The following GET1 variants were observed in gnomAD, a reference collection of about 807,000 sequenced individuals.
GET1 encodes guided entry of tail-anchored proteins factor 1.
GET1 carries 20 observed loss-of-function variants against 22.6 expected under a neutral mutation model. That is an observed-to-expected ratio of 0.89 (90% confidence interval 0.62 to 1.29). The LOEUF (loss-of-function observed/expected upper bound fraction) is 1.29. Among genes scored for constraint, GET1 ranks in the 50% most tolerant of loss-of-function variants. The pLI is 0.00. For synonymous variants in GET1, 92 were observed against 83.8 expected (o/e 1.10, Z -0.53); for missense variants, 209 against 219.9 (o/e 0.95, Z 0.31).
At chr21:39,380,555 A>G (rs2037490277) in intron 1 of GET1, 69 bp downstream of exon 1, 3 of 1,559,974 alleles carry the variant, frequency 1.9e-6, no homozygotes, top group Non-Finnish European at 1.7e-6. Flanking sequence ...GGTCTGGCGT[A>G]GGTACAGGGG....
intron 1 of GET1, among the ~76,000 whole-genome samples, chr21:39,424,408 G>A (rs1309092743): frequency 1.3e-5 from 2 of 152,146 alleles, no homozygotes; most frequent in African/African-American, 4.8e-5. Flanking sequence ...TTGAGCCCAG[G>A]AGTTTGAGGC....
At chr21:39,406,684 G>C, downstream of GET1, 1 of 1,153,664 alleles carries the variant, frequency 8.7e-7, no homozygotes, top group Non-Finnish European at 1.2e-6. Flanking sequence ...GGCATGTCTA[G>C]TACACTTACG....
At chr21:39,420,980 T>C (rs925186412) in intron 1 of GET1, 2 of 565,702 alleles carry the variant, frequency 3.5e-6, no homozygotes, top group Non-Finnish European at 6.0e-6. Flanking sequence ...ACAGGGGACA[T>C]ATATTGGAAT....
At chr21:39,382,160 T>C (rs2037592763) in intron 1 of GET1, among the ~76,000 whole-genome samples, 1 of 151,630 alleles carries the variant, frequency 6.6e-6, no homozygotes, top group Non-Finnish European at 1.5e-5. Context: ...GTTCAAGCGA[T>C]TCTCCTGCCT....
rs986929586 is a variant in GET1, at chr21:39,418,206, C to G, written c.*23+7269C>G. ...TGACATGTGGGAACTGTGGGAGCTA[C>G]AATTCAAGATGAGATTTGGGTGGGG... is the stretch of plus-strand genomic sequence containing the variant. On this transcript the variant is annotated intron_variant, in intron 1 of 1. Transcript: ENST00000478273. Among the ~76,000 whole-genome samples, 3 of 152,158 alleles carry G rather than the reference C, an allele frequency of 2.0e-5. No individual in the cohort carries two copies. The East Asian group carries it at 5.8e-4, about 29-fold the overall frequency.
intron 4 of GET1, among the ~76,000 whole-genome samples, chr21:39,403,396 G>A (rs570338053): frequency 3.9e-5 from 6 of 152,038 alleles, no homozygotes; most frequent in African/African-American, 7.2e-5. Context: ...GTGCGATCTC[G>A]GCTCACTGCA....
chr21:39,403,389 C>T (rs1050143735), intron 4 of GET1, among the ~76,000 whole-genome samples: 18 of 150,926 alleles, frequency 1.2e-4, no homozygotes, highest in African/African-American at 3.2e-4. Flanking sequence ...TGCAGTGGTG[C>T]GATCTCGGCT....
At chr21:39,412,794 C>T (rs776340074) in intron 1 of GET1, among the ~76,000 whole-genome samples, 2 of 152,198 alleles carry the variant, frequency 1.3e-5, no homozygotes, top group South Asian at 2.1e-4. Context: ...GCGCCTCCCC[C>T]GCCGCCCCAT....
chr21:39,399,505 C>T (rs549827125), downstream of GET1, among the ~76,000 whole-genome samples: 20 of 152,044 alleles, frequency 1.3e-4, no homozygotes, highest in Middle Eastern at 6.8e-3. Context: ...AGTGCAGTGG[C>T]GCGATCTCGG....
chr21:39,387,915 T>C (rs1048679128), intron 1 of GET1: 31 of 883,492 alleles, frequency 3.5e-5, no homozygotes, highest in Non-Finnish European at 4.1e-5. Flanking sequence ...ACACTTTAGA[T>C]ACACTATAAC....
At chr21:39,419,082 C>T (rs1377002580) in intron 1 of GET1, among the ~76,000 whole-genome samples, 1 of 152,036 alleles carries the variant, frequency 6.6e-6, no homozygotes, top group Non-Finnish European at 1.5e-5. Context: ...CTCCAAATCC[C>T]AGTTCTCAAT....
At chr21:39,423,770 G>A (rs2074145216) in intron 1 of GET1, among the ~76,000 whole-genome samples, 1 of 152,036 alleles carries the variant, frequency 6.6e-6, no homozygotes, top group Non-Finnish European at 1.5e-5. Flanking sequence ...AGATTACATA[G>A]CCACGAAGTG....
intron 1 of GET1, among the ~76,000 whole-genome samples, chr21:39,382,149 G>T (rs1017088424): frequency 1.3e-5 from 2 of 151,518 alleles, no homozygotes; most frequent in Admixed American, 1.3e-4. Flanking sequence ...CCACCTTCCA[G>T]GTTCAAGCGA....
chr21:39,412,186 A>AT (rs1367886096), intron 1 of GET1, among the ~76,000 whole-genome samples: 2 of 152,150 alleles, frequency 1.3e-5, no homozygotes, highest in Non-Finnish European at 2.9e-5. Flanking sequence ...CAGCCACACT[A>AT]TTTGTATTTC....
intron 4 of GET1, among the ~76,000 whole-genome samples, chr21:39,396,256 G>A (rs1282482798): frequency 6.6e-6 from 1 of 152,074 alleles, no homozygotes; most frequent in African/African-American, 2.4e-5. Flanking sequence ...TTAGCCGGGT[G>A]TCGGCCGGGT....
chr21:39,390,860 C>A lies in GET1; in HGVS notation c.265C>A (p.His89Asn), dbSNP rs1011983287. The change falls in exon 2 of 5, where the codon CAT becomes AAT. Residue 89 changes from histidine (H) to asparagine (N), a missense_variant. Coordinates refer to ENST00000649170, the MANE Select transcript of GET1 (RefSeq NM_004627.6). Reference sequence around the variant, plus strand: ...CAAGATGACGGATAAGCTCAAAACCCATGGTACTGTGTCCCTTGCAGCCTG... The same window carrying A: ...CAAGATGACGGATAAGCTCAAAACCAATGGTACTGTGTCCCTTGCAGCCTG... ...INKMTDKLKT[H>N]VKARTAQLAK... 6.2e-7 allele frequency: 1 copy of A among 1,614,068 alleles called. No individual in the cohort carries two copies. The highest frequency in any genetic ancestry group is 1.1e-5 in the South Asian group (1 of 91,046).
intron 1 of GET1, among the ~76,000 whole-genome samples, chr21:39,388,801 C>T (rs1029895751): frequency 6.6e-6 from 1 of 152,212 alleles, no homozygotes; most frequent in Admixed American, 6.5e-5. Context: ...CCTCTCCCAT[C>T]CCGGTGCCGT....
At chr21:39,412,314 G>A (rs73906032) in intron 1 of GET1, among the ~76,000 whole-genome samples, 32,690 of 151,820 alleles carry the variant, frequency 0.22, 3,661 homozygotes, top group Middle Eastern at 0.28. Flanking sequence ...GACAAGGGCC[G>A]GGGGGGAAGC....
At chr21:39,391,983 C>A in intron 3 of GET1, 147 bp downstream of exon 3, 1 of 686,544 alleles carries the variant, frequency 1.5e-6, no homozygotes, top group Non-Finnish European at 2.5e-6. Flanking sequence ...GCTCTAAACA[C>A]TCTCGGTCTC....
Sources: allele counts gnomAD v4.1 joint callset (sites outside exome capture counted in the v4.1 genomes callset), GRCh38; gene constraint gnomAD v4.1.1; transcripts MANE v1.5; gene names NCBI Gene and HGNC (gene_info 2026-07-23, HGNC 2026-07-21).